The following UNC5D variants were observed in gnomAD, a reference collection of about 807,000 sequenced individuals.
The protein encoded by UNC5D is netrin receptor UNC5D.
A neutral mutation model predicts 105.4 loss-of-function variants in UNC5D; 39 were observed. That is an observed-to-expected ratio of 0.37 (90% CI 0.29 to 0.48). UNC5D has a LOEUF of 0.48. Among genes scored for constraint, UNC5D ranks in the 20% least tolerant of loss-of-function variants. The pLI is 0.98. For synonymous variants in UNC5D, 452 were observed against 450.4 expected (o/e 1.00, Z -0.04); for missense variants, 991 against 1,202.4 (o/e 0.82, Z 2.60).
intron 1 of UNC5D, among the ~76,000 whole-genome samples, chr8:35,428,261 C>T (rs960700699): frequency 6.6e-6 from 1 of 151,580 alleles, no homozygotes; most frequent in Non-Finnish European, 1.5e-5. Flanking sequence ...CTCAAGGAGC[C>T]CTCCACCTCC....
chr8:35,374,496 G>A (rs1402062826), intron 1 of UNC5D, among the ~76,000 whole-genome samples: 2 of 152,202 alleles, frequency 1.3e-5, no homozygotes, highest in Non-Finnish European at 2.9e-5. Flanking sequence ...AATAGACTAA[G>A]TATGGTAGAG....
At chr8:35,444,324 G>A (rs910777115) in intron 1 of UNC5D, among the ~76,000 whole-genome samples, 3 of 152,018 alleles carry the variant, frequency 2.0e-5, no homozygotes, top group Admixed American at 6.6e-5. Flanking sequence ...TAGTAAGCAC[G>A]TTCAATCTGA....
chr8:35,630,593 C>A (rs1821978356), intron 4 of UNC5D, among the ~76,000 whole-genome samples: 1 of 152,150 alleles, frequency 6.6e-6, no homozygotes, highest in Admixed American at 6.6e-5. Flanking sequence ...CCAGGGACCA[C>A]ATTGCAAATT....
At chr8:35,321,086 A>G (rs559558721) in intron 1 of UNC5D, among the ~76,000 whole-genome samples, 51 of 152,200 alleles carry the variant, frequency 3.4e-4, no homozygotes, top group African/African-American at 1.1e-3. Flanking sequence ...ACCTCTCTAT[A>G]TTAATTTTGC....
At chr8:35,409,277 T>A (rs1269752778) in intron 1 of UNC5D, among the ~76,000 whole-genome samples, 2 of 152,072 alleles carry the variant, frequency 1.3e-5, no homozygotes, top group Non-Finnish European at 2.9e-5. Flanking sequence ...GTGGTAAGTA[T>A]ATGTGAACTT....
intron 1 of UNC5D, among the ~76,000 whole-genome samples, chr8:35,522,483 T>C (rs1813554882): frequency 6.6e-6 from 1 of 152,228 alleles, no homozygotes; most frequent in Admixed American, 6.5e-5. Context: ...CTGAAATGCC[T>C]TGGGATATTT....
At chr8:35,587,473 C>T (rs550942594) in intron 3 of UNC5D, among the ~76,000 whole-genome samples, 17 of 152,322 alleles carry the variant, frequency 1.1e-4, no homozygotes, top group Non-Finnish European at 1.9e-4. Flanking sequence ...TGGGAAATTA[C>T]ATTTGCTCAT....
At chr8:35,670,362 T>C (rs1385456800) in intron 4 of UNC5D, among the ~76,000 whole-genome samples, 3 of 152,116 alleles carry the variant, frequency 2.0e-5, no homozygotes, top group Non-Finnish European at 2.9e-5. Context: ...TTACCTATTT[T>C]TTAAAGATGG....
intron 16 of UNC5D, among the ~76,000 whole-genome samples, chr8:35,775,367 G>A (rs1229364349): frequency 6.6e-6 from 1 of 152,206 alleles, no homozygotes; most frequent in African/African-American, 2.4e-5. Context: ...GTAGTTGAGA[G>A]TAGAATAGAG....
At chr8:35,274,867 A>G (rs1805663663) in intron 1 of UNC5D, among the ~76,000 whole-genome samples, 1 of 152,092 alleles carries the variant, frequency 6.6e-6, no homozygotes, top group Non-Finnish European at 1.5e-5. Flanking sequence ...AGGCAGGTGG[A>G]TCACCTGAGG....
At chr8:35,267,797 T>C (rs2128829841) in intron 1 of UNC5D, among the ~76,000 whole-genome samples, 1 of 152,282 alleles carries the variant, frequency 6.6e-6, no homozygotes, top group Admixed American at 6.5e-5. Context: ...CAAAAGAACC[T>C]AAAGAACTGT....
intron 1 of UNC5D, among the ~76,000 whole-genome samples, chr8:35,416,027 C>T (rs1805509549): frequency 6.6e-6 from 1 of 151,998 alleles, no homozygotes; most frequent in Non-Finnish European, 1.5e-5. Flanking sequence ...TTCCAAGGTA[C>T]CAAGAAGGGT....
At chr8:35,266,500 T>G (rs1463671690) in intron 1 of UNC5D, among the ~76,000 whole-genome samples, 1 of 152,224 alleles carries the variant, frequency 6.6e-6, no homozygotes, top group Non-Finnish European at 1.5e-5. Context: ...ATGTGGTTTG[T>G]TAGATTATAT....
intron 1 of UNC5D, among the ~76,000 whole-genome samples, chr8:35,531,205 A>T: frequency 2.4e-5 from 2 of 82,700 alleles, no homozygotes; most frequent in Non-Finnish European, 4.8e-5. Context: ...TTCCCTCTAC[A>T]CACTGCTTTG....
chr8:35,699,417 A>G (rs1827021293), intron 7 of UNC5D, among the ~76,000 whole-genome samples: 1 of 152,166 alleles, frequency 6.6e-6, no homozygotes, highest in South Asian at 2.1e-4. Context: ...AATTAGCATG[A>G]TGGGATCTTG....
intron 1 of UNC5D, among the ~76,000 whole-genome samples, chr8:35,496,112 C>A (rs191795892): frequency 2.4e-4 from 37 of 152,260 alleles, no homozygotes; most frequent in African/African-American, 8.9e-4. Flanking sequence ...AGGGTTCAGT[C>A]TAAACTGCTT....
At chr8:35,588,311 A>T (rs1446676491) in intron 3 of UNC5D, among the ~76,000 whole-genome samples, 1 of 152,158 alleles carries the variant, frequency 6.6e-6, no homozygotes, top group Non-Finnish European at 1.5e-5. Flanking sequence ...GAGACTTGCA[A>T]GAAAAAAGTG....
intron 7 of UNC5D, among the ~76,000 whole-genome samples, chr8:35,696,600 ACTCAGTGGC>A (rs1287403580): frequency 6.6e-6 from 1 of 151,960 alleles, no homozygotes; most frequent in African/African-American, 2.4e-5. Context: ...GTTGTGAAAA[ACTCAGTGGC>A]CTCTGGGGTG....
chr8:35,325,548 G>A (rs1463169211), intron 1 of UNC5D, among the ~76,000 whole-genome samples: 1 of 152,140 alleles, frequency 6.6e-6, no homozygotes. Flanking sequence ...AACTTGGAGT[G>A]CATTATTATA....
Sources: gnomAD v4.1 joint callset for allele counts (sites outside exome capture counted in the v4.1 genomes callset) on GRCh38, gnomAD v4.1.1 for gene constraint, MANE v1.5 for transcripts, NCBI Gene and HGNC (gene_info 2026-07-23, HGNC 2026-07-21) for gene names.